Variants in PID1 observed in about 807,000 individuals in gnomAD.
The protein encoded by PID1 is phosphotyrosine interaction domain containing 1.
In PID1, 10 loss-of-function variants were observed where a neutral mutation model predicts 19.1. That is an observed-to-expected ratio of 0.52 (90% confidence interval 0.32 to 0.89). The LOEUF is 0.89. PID1 is among the 40% of genes least tolerant of loss of function. PID1 has a pLI of 0.03. For missense variants in PID1, 248 were observed against 285.3 expected, an observed-to-expected ratio of 0.87 and a Z score of 0.94; for synonymous variants, 130 against 116.0, an observed-to-expected ratio of 1.12 and a Z score of -0.78.
At chr2:229,172,555 G>A (rs951177649) in intron 1 of PID1, among the ~76,000 whole-genome samples, 3 of 152,014 alleles carry the variant, frequency 2.0e-5, no homozygotes, top group Non-Finnish European at 4.4e-5. Flanking sequence ...CTCAGTGCAC[G>A]TCTATCTCTG....
intron 1 of PID1, among the ~76,000 whole-genome samples, chr2:229,247,422 C>T (rs1677431311): frequency 6.6e-6 from 1 of 152,184 alleles, no homozygotes; most frequent in Non-Finnish European, 1.5e-5. Flanking sequence ...GAGATGCATG[C>T]ATCCTGCCTG....
intron 2 of PID1, among the ~76,000 whole-genome samples, chr2:229,056,565 A>G (rs989533903): frequency 5.9e-4 from 89 of 151,710 alleles, no homozygotes; most frequent in South Asian, 1.2e-3. Context: ...AAAGTAAAAA[A>G]ACATATTTCT....
At chr2:229,127,420 G>A (rs185141936) in intron 2 of PID1, among the ~76,000 whole-genome samples, 1 of 152,144 alleles carries the variant, frequency 6.6e-6, no homozygotes, top group Non-Finnish European at 1.5e-5. Flanking sequence ...TAAACTTATC[G>A]GCCACCAGCT....
At chr2:229,123,755 C>T (rs1203485191) in intron 2 of PID1, among the ~76,000 whole-genome samples, 2 of 152,154 alleles carry the variant, frequency 1.3e-5, no homozygotes, top group Non-Finnish European at 2.9e-5. Context: ...TTGCATCTCC[C>T]TAATGGCTAA....
At chr2:229,200,834 A>G (rs1431319767) in intron 1 of PID1, among the ~76,000 whole-genome samples, 1 of 152,088 alleles carries the variant, frequency 6.6e-6, no homozygotes, top group Non-Finnish European at 1.5e-5. Context: ...CCTAAGTCAA[A>G]TGAGCAGGTC....
intron 1 of PID1, among the ~76,000 whole-genome samples, chr2:229,230,055 A>T (rs1402953328): frequency 1.3e-5 from 2 of 152,260 alleles, no homozygotes; most frequent in Non-Finnish European, 2.9e-5. Context: ...TTATGAAGTA[A>T]AACAACTGTC....
chr2:229,026,008 C>T lies in PID1; in HGVS notation c.278G>A (p.Arg93Gln), dbSNP rs376315848. ...GGCATTGGCCGGAAAGACATCCTCTCGGGCTAGCGTGTGCTTCTTCCAGAG... is the reference window on the plus strand; with the variant it reads ...GGCATTGGCCGGAAAGACATCCTCTTGGGCTAGCGTGTGCTTCTTCCAGAG... ...IELWKKHTLA[R>Q]EDVFPANALL... Residue 93 changes from arginine to glutamine, a missense_variant, in exon 3 of 3, where the codon CGA becomes CAA. Arg to Gln is a conservative substitution (Grantham distance 43). Transcript: ENST00000392055. 8.7e-6 allele frequency: 14 copies of T among 1,614,092 alleles called. No individual in the cohort carries two copies. The highest frequency in any genetic ancestry group is 1.1e-5 in the South Asian group (1 of 91,088).
chr2:229,153,472 A>G (rs1202799045), intron 2 of PID1, among the ~76,000 whole-genome samples: 1 of 152,176 alleles, frequency 6.6e-6, no homozygotes, highest in Admixed American at 6.5e-5. Flanking sequence ...TGAATGCAGA[A>G]GTTCTTCCTG....
intron 2 of PID1, among the ~76,000 whole-genome samples, chr2:229,139,039 G>GAAAGAAAGAAAGAGAA (rs879704273): frequency 2.1e-5 from 1 of 48,378 alleles, no homozygotes; most frequent in South Asian, 6.6e-4. Context: ...AAGAAAGAAA[G>GAAAGAAAGAAAGAGAA]AGAAAGAAAG....
At chr2:229,075,714 A>G (rs983073773) in intron 2 of PID1, among the ~76,000 whole-genome samples, 1 of 152,216 alleles carries the variant, frequency 6.6e-6, no homozygotes, top group Non-Finnish European at 1.5e-5. Flanking sequence ...GTTTTCCTCC[A>G]TTCGTTGTCA....
Position 229,025,602 on chromosome 2 carries a change from G to C in PID1, c.*30C>G, listed in dbSNP as rs764484396. 22 of 1,522,416 alleles carry C rather than the reference G, an allele frequency of 1.4e-5. No homozygotes were observed. The East Asian group carries it at 4.8e-4, about 33-fold the overall frequency. The allele number at this position is 1,522,416 out of a possible 1,614,324, so 94.3% of individuals were successfully genotyped here. A position where few individuals can be genotyped will look rare whatever the true frequency, so the allele number is the denominator to read the frequency against. On this transcript the variant is annotated 3_prime_UTR_variant, in exon 3 of 3. Transcript: ENST00000392055. ...TATTCCCTTGAACTCCGTGACCAAT[G>C]CTGCCTTTGCTGAAGCGTCTCAAGT...
chr2:229,215,424 T>G (rs1288981823), intron 1 of PID1, among the ~76,000 whole-genome samples: 1 of 152,270 alleles, frequency 6.6e-6, no homozygotes, highest in Non-Finnish European at 1.5e-5. Flanking sequence ...TTTTCTTGAA[T>G]GTATCATTTA....
chr2:229,241,768 A>T (rs1416467364), intron 1 of PID1, among the ~76,000 whole-genome samples: 1 of 152,156 alleles, frequency 6.6e-6, no homozygotes, highest in Non-Finnish European at 1.5e-5. Context: ...AAGTTAAAAT[A>T]GAATCTTTTC....
At chr2:229,233,422 G>T (rs1692258285) in intron 1 of PID1, among the ~76,000 whole-genome samples, 1 of 151,628 alleles carries the variant, frequency 6.6e-6, no homozygotes, top group Non-Finnish European at 1.5e-5. Context: ...GGGAGACCAA[G>T]ATGAAAAAAG....
At chr2:229,151,185 G>T (rs1270996255) in intron 2 of PID1, among the ~76,000 whole-genome samples, 1 of 152,002 alleles carries the variant, frequency 6.6e-6, no homozygotes, top group Non-Finnish European at 1.5e-5. Context: ...CTGAAGAAAA[G>T]AAACAACTTG....
chr2:229,217,835 T>C (rs1691881045), intron 1 of PID1, among the ~76,000 whole-genome samples: 1 of 152,210 alleles, frequency 6.6e-6, no homozygotes, highest in Admixed American at 6.5e-5. Flanking sequence ...TCCTTAGTTC[T>C]ACCCTTCTTG....
At chr2:229,200,507 C>T (rs1691476556) in intron 1 of PID1, among the ~76,000 whole-genome samples, 1 of 151,946 alleles carries the variant, frequency 6.6e-6, no homozygotes, top group African/African-American at 2.4e-5. Flanking sequence ...TATCATATAT[C>T]CCACGGTAGC....
At chr2:229,195,972 C>T (rs1691369660) in intron 1 of PID1, among the ~76,000 whole-genome samples, 1 of 151,942 alleles carries the variant, frequency 6.6e-6, no homozygotes, top group South Asian at 2.1e-4. Context: ...AGAGAAGTAC[C>T]AACACTAAGA....
intron 2 of PID1, among the ~76,000 whole-genome samples, chr2:229,154,925 G>A (rs1409205452): frequency 2.6e-5 from 4 of 152,096 alleles, no homozygotes; most frequent in African/African-American, 4.8e-5. Flanking sequence ...AAAATCCAAA[G>A]CTTACCAAAA....
Sources: allele counts gnomAD v4.1 joint callset (sites outside exome capture counted in the v4.1 genomes callset), GRCh38; gene constraint gnomAD v4.1.1; transcripts MANE v1.5; gene names NCBI Gene and HGNC (gene_info 2026-07-23, HGNC 2026-07-21).